Variants in POSTN observed in about 807,000 individuals in gnomAD.
POSTN encodes the protein periostin.
POSTN carries 71 observed loss-of-function variants against 104.5 expected under a neutral mutation model. The observed-to-expected ratio is 0.68, with a 90% CI of 0.56 to 0.83. The LOEUF (loss-of-function observed/expected upper bound fraction) is 0.83, where lower values mean the gene tolerates loss of function less well. Ranked by LOEUF, POSTN falls within the 40% of genes least tolerant of loss-of-function variation. POSTN has a pLI of 0.00. For synonymous variants in POSTN, 355 were observed against 340.7 expected (o/e 1.04, Z -0.46); for missense variants, 949 against 1,006.8 (o/e 0.94, Z 0.78).
At chr13:37,587,071 G>A (rs1309573465) in intron 5 of POSTN, 143 bp from the exon 6 acceptor site, 1 of 707,178 alleles carries the variant, frequency 1.4e-6, no homozygotes, top group Non-Finnish European at 2.3e-6. Context: ...CGCTGTGGAT[G>A]AAGATTTACA....
chr13:37,569,904 C>T (rs925404198), intron 19 of POSTN, 83 bp from the exon 20 acceptor site: 3 of 899,336 alleles, frequency 3.3e-6, no homozygotes, highest in African/African-American at 3.3e-5. Flanking sequence ...GTATTTTACA[C>T]TTGTGGGCCA....
chr13:37,588,314 A>G (rs1203733027), intron 4 of POSTN, among the ~76,000 whole-genome samples: 2 of 152,174 alleles, frequency 1.3e-5, no homozygotes, highest in Admixed American at 1.3e-4. Flanking sequence ...AATACTTTAA[A>G]TGGCAAACAA....
intron 2 of POSTN, among the ~76,000 whole-genome samples, chr13:37,592,514 G>A (rs577797762): frequency 1.7e-3 from 261 of 152,178 alleles, no homozygotes; most frequent in African/African-American, 5.9e-3. Context: ...TAGCCAGGAT[G>A]GTCTCAATTT....
At chr13:37,574,440 C>G in intron 17 of POSTN, 132 bp downstream of exon 17, 1 of 1,224,360 alleles carries the variant, frequency 8.2e-7, no homozygotes. Flanking sequence ...CATGAGCATG[C>G]CATTGGTATA....
chr13:37,569,407 A>T lies in POSTN; in HGVS notation c.2348-24T>A, dbSNP rs1472936256. 3 of 1,566,488 alleles carry T rather than the reference A, an allele frequency of 1.9e-6. No homozygotes were observed. In the South Asian group the frequency reaches 3.3e-5, roughly 17 times the overall value. ...CTCTGAGAGGATACATGTTTATAGCAGAAATTGGTTTATATAACAAAATAA... is the reference window on the plus strand; with the variant it reads ...CTCTGAGAGGATACATGTTTATAGCTGAAATTGGTTTATATAACAAAATAA... On this transcript the variant is annotated intron_variant, in intron 20 of 22. Coordinates refer to ENST00000379747, the MANE Select transcript of POSTN (RefSeq NM_006475.3).
At chr13:37,594,525 TA>T (rs10717987) in intron 2 of POSTN, among the ~76,000 whole-genome samples, 114,534 of 151,844 alleles carry the variant, frequency 0.75, 43,848 homozygotes, top group Middle Eastern at 0.82. Flanking sequence ...AAAACAAGAG[TA>T]AAAAAAATAT....
At chr13:37,582,905 C>T (rs1052111604) in intron 9 of POSTN, among the ~76,000 whole-genome samples, 2 of 152,110 alleles carry the variant, frequency 1.3e-5, no homozygotes, top group Non-Finnish European at 2.9e-5. Flanking sequence ...ATCTTGATTA[C>T]TGGAAAGAGA....
At chr13:37,575,412 C>T (rs1566016143) in intron 16 of POSTN, among the ~76,000 whole-genome samples, 1 of 151,674 alleles carries the variant, frequency 6.6e-6, no homozygotes, top group Non-Finnish European at 1.5e-5. Context: ...CCCAGCATTA[C>T]TCAATATATC....
chr13:37,597,359 G>A (rs1004373640), intron 1 of POSTN, 77 bp from the exon 2 acceptor site: 20 of 901,126 alleles, frequency 2.2e-5, no homozygotes, highest in Non-Finnish European at 3.2e-5. Flanking sequence ...TTGGTTGATA[G>A]AAGAAAATGT....
chr13:37,571,544 T>C, intron 17 of POSTN, 86 bp from the exon 18 acceptor site: 2 of 997,840 alleles, frequency 2.0e-6, no homozygotes. Flanking sequence ...CAACATTCGG[T>C]GTGACTCAAC....
At chr13:37,574,866 T>A (rs1245356041) in intron 16 of POSTN, among the ~76,000 whole-genome samples, 1 of 151,962 alleles carries the variant, frequency 6.6e-6, no homozygotes, top group Non-Finnish European at 1.5e-5. Flanking sequence ...GTGACTTGAA[T>A]TTGATCTAGT....
chr13:37,569,657 G>T, intron 20 of POSTN, 87 bp downstream of exon 20: 2 of 1,018,884 alleles, frequency 2.0e-6, no homozygotes, highest in Non-Finnish European at 1.5e-6. Flanking sequence ...GATTGAGATA[G>T]AGTAGAAAAC....
intron 6 of POSTN, 29 bp from the exon 7 acceptor site, chr13:37,586,309 T>C (rs376823520): frequency 5.0e-6 from 8 of 1,592,616 alleles, no homozygotes; most frequent in Non-Finnish European, 6.8e-6. Context: ...TTTCAGAGAC[T>C]TTCACATTGT....
chr13:37,576,902 A>T (rs1282135208), intron 16 of POSTN, among the ~76,000 whole-genome samples: 1 of 151,926 alleles, frequency 6.6e-6, no homozygotes, highest in Non-Finnish European at 1.5e-5. Flanking sequence ...CTTAAGGGAA[A>T]TTTTCTTAAT....
At chr13:37,571,953 A>G (rs913979412) in intron 17 of POSTN, among the ~76,000 whole-genome samples, 1 of 151,616 alleles carries the variant, frequency 6.6e-6, no homozygotes, top group Admixed American at 6.6e-5. Flanking sequence ...AGAAAGTACC[A>G]AATGTATACC....
At chr13:37,596,013 G>C (rs1400810220) in intron 2 of POSTN, among the ~76,000 whole-genome samples, 1 of 151,856 alleles carries the variant, frequency 6.6e-6, no homozygotes, top group Non-Finnish European at 1.5e-5. Context: ...TGTTGGCCAG[G>C]CTGGTCTCGA....
chr13:37,598,763 A>C lies in POSTN; in HGVS notation c.-37T>G. 6.2e-7 allele frequency: 1 copy of C among 1,607,702 alleles called. No individual in the cohort carries two copies. Among genetic ancestry groups the C allele is most frequent in the Non-Finnish European group, 8.5e-7 (1 of 1,175,734 alleles). Reference sequence around the variant, plus strand: ...CCGTTGCAGTTAGTCCCCGAAGAGAACTGGCAGTGGGCTTTGGAGAGCTCA... The same window carrying C: ...CCGTTGCAGTTAGTCCCCGAAGAGACCTGGCAGTGGGCTTTGGAGAGCTCA... On this transcript the variant is annotated 5_prime_UTR_variant, in exon 1 of 23. Coordinates refer to ENST00000379747, the MANE Select transcript of POSTN (RefSeq NM_006475.3).
At chr13:37,598,525 T>C in intron 1 of POSTN, 83 bp downstream of exon 1, 1 of 1,261,572 alleles carries the variant, frequency 7.9e-7, no homozygotes, top group African/African-American at 1.5e-5. Flanking sequence ...CTGAGGCATA[T>C]ATGAGAAACT....
chr13:37,570,515 G>T, intron 19 of POSTN, 65 bp downstream of exon 19: 3 of 1,017,952 alleles, frequency 2.9e-6, no homozygotes, highest in Admixed American at 2.0e-5. Context: ...TCTTATATTT[G>T]GGGATTAACT....
Sources: allele counts gnomAD v4.1 joint callset (sites outside exome capture counted in the v4.1 genomes callset), GRCh38; gene constraint gnomAD v4.1.1; transcripts MANE v1.5; gene names NCBI Gene and HGNC (gene_info 2026-07-23, HGNC 2026-07-21).